CSMD2: variants seen among roughly 807,000 people sequenced by gnomAD.
The protein encoded by CSMD2 is CUB and Sushi multiple domains 2.
A neutral mutation model predicts 398.5 loss-of-function variants in CSMD2; 130 were observed. That is an observed-to-expected ratio of 0.33 (90% CI 0.28 to 0.38). CSMD2 has a LOEUF of 0.38. Among genes scored for constraint, CSMD2 ranks in the 10% least tolerant of loss-of-function variants. CSMD2 has a pLI of 1.00. For synonymous variants in CSMD2, 1,828 were observed against 1,908.5 expected (o/e 0.96, Z 1.10); for missense variants, 3,829 against 4,764.9 (o/e 0.80, Z 5.78).
intron 22 of CSMD2, 60 bp downstream of exon 22, chr1:33,709,029 G>A (rs1645898339): frequency 1.4e-6 from 2 of 1,384,004 alleles, no homozygotes; most frequent in South Asian, 2.8e-5. Flanking sequence ...ACAAAGGAGT[G>A]AGTATTGACT....
intron 34 of CSMD2, 33 bp downstream of exon 34, chr1:33,625,018 C>G: frequency 6.2e-7 from 1 of 1,606,270 alleles, no homozygotes; most frequent in Non-Finnish European, 8.5e-7. Flanking sequence ...TGCCGCCCCC[C>G]GCACCCTCAA....
chr1:33,797,070 C>A (rs1352079279), intron 10 of CSMD2, among the ~76,000 whole-genome samples: 1 of 152,206 alleles, frequency 6.6e-6, no homozygotes, highest in Non-Finnish European at 1.5e-5. Flanking sequence ...CAAGACAATA[C>A]CTGCACAGCT....
chr1:33,624,989 C>G lies in CSMD2; in HGVS notation c.5500+62G>C. On this transcript the variant is annotated intron_variant, in intron 34 of 70. Coordinates refer to ENST00000373381, the MANE Select transcript of CSMD2 (RefSeq NM_001281956.2). This position sits in a 1 kb window ranked among gnomAD's most constrained non-coding sequence, Gnocchi z 4.7. ...GCATCACTGGGGCTGACTGCCTCCC[C>G]TACAGAGAAAGGACTACGTGCCGCC... The G allele has an allele frequency of 3.3e-6, 5 of 1,534,654 alleles. No individual in the cohort carries two copies. Among genetic ancestry groups the G allele is most frequent in the Non-Finnish European group, 4.5e-6 (5 of 1,110,690 alleles).
chr1:34,065,076 G>T (rs1404414411), intron 2 of CSMD2, among the ~76,000 whole-genome samples: 1 of 152,106 alleles, frequency 6.6e-6, no homozygotes, highest in Non-Finnish European at 1.5e-5. Flanking sequence ...TGAAATTTGG[G>T]TGGAGACACA....
chr1:33,718,024 C>T (rs1646229649), intron 19 of CSMD2, among the ~76,000 whole-genome samples: 1 of 152,176 alleles, frequency 6.6e-6, no homozygotes, highest in Non-Finnish European at 1.5e-5. Flanking sequence ...TTTAATTCTG[C>T]CAGGAACCCT....
chr1:34,073,217 T>C (rs771082374), intron 2 of CSMD2, among the ~76,000 whole-genome samples: 1 of 152,360 alleles, frequency 6.6e-6, no homozygotes, highest in East Asian at 1.9e-4. Context: ...TGCCTCCGGA[T>C]GGCAAATTTG....
At chr1:33,579,766 C>T (rs1400564517) in intron 48 of CSMD2, among the ~76,000 whole-genome samples, 1 of 151,840 alleles carries the variant, frequency 6.6e-6, no homozygotes, top group Non-Finnish European at 1.5e-5. Context: ...GCAACCTCCA[C>T]CTCCCAGGTT....
chr1:33,746,739 T>C (rs1647436800), intron 13 of CSMD2, among the ~76,000 whole-genome samples: 2 of 152,202 alleles, frequency 1.3e-5, no homozygotes, highest in African/African-American at 4.8e-5. Context: ...GCCTGACACA[T>C]TGTAGGTGCT....
At chr1:34,101,256 TCA>T (rs1659913179) in intron 1 of CSMD2, among the ~76,000 whole-genome samples, 1 of 152,224 alleles carries the variant, frequency 6.6e-6, no homozygotes. Context: ...CTGCCTTCTT[TCA>T]CCCATGCTTT....
chr1:33,775,056 C>G (rs951450830), intron 12 of CSMD2, among the ~76,000 whole-genome samples: 7 of 152,176 alleles, frequency 4.6e-5, no homozygotes, highest in Non-Finnish European at 8.8e-5. Flanking sequence ...TGTGGAGGAT[C>G]AGTCTGGAAA....
In CSMD2 at chr1:33,559,727, C is replaced by T. The variant is rs905325425; in HGVS notation, c.8381-254G>A. Among the ~76,000 whole-genome samples, 6 of 152,108 alleles carry T rather than the reference C, an allele frequency of 3.9e-5. No homozygotes were observed. Among genetic ancestry groups the T allele is most frequent in the Non-Finnish European group, 5.9e-5 (4 of 68,028 alleles). Reference sequence around the variant, plus strand: ...CTTCCCATAGGGTGTTAGGACTGGACTGTGGTTCTCTGTGGTCTGAGCGGT... The same window carrying T: ...CTTCCCATAGGGTGTTAGGACTGGATTGTGGTTCTCTGTGGTCTGAGCGGT... On this transcript the variant is annotated intron_variant, in intron 53 of 70. Coordinates refer to ENST00000373381, the MANE Select transcript of CSMD2 (RefSeq NM_001281956.2). The surrounding 1 kb of genome is among the most constrained non-coding windows in gnomAD (Gnocchi z 4.0).
intron 12 of CSMD2, among the ~76,000 whole-genome samples, chr1:33,783,506 G>A (rs1040313426): frequency 5.3e-5 from 8 of 149,962 alleles, no homozygotes; most frequent in Non-Finnish European, 8.8e-5. Context: ...GAAAGCCCAT[G>A]CAAGGCCATG....
chr1:33,989,515 T>G (rs1041431405), intron 3 of CSMD2, among the ~76,000 whole-genome samples: 1 of 152,196 alleles, frequency 6.6e-6, no homozygotes, highest in Non-Finnish European at 1.5e-5. Context: ...CACAAAGACT[T>G]ATATTTCAAT....
At chr1:33,813,252 T>G (rs1482537918) in intron 9 of CSMD2, 1 of 152,144 alleles carries the variant, frequency 6.6e-6, no homozygotes, top group Admixed American at 6.5e-5. Context: ...GGGGTTTAAT[T>G]AAAATATTAC....
intron 1 of CSMD2, among the ~76,000 whole-genome samples, chr1:34,159,338 C>CCA (rs56893007): frequency 1.4e-5 from 2 of 142,816 alleles, no homozygotes; most frequent in Non-Finnish European, 3.0e-5. Context: ...GCCCCCCCCC[C>CCA]ACCCAGGAGC....
chr1:33,775,404 T>A (rs115469773), intron 12 of CSMD2, among the ~76,000 whole-genome samples: 6,545 of 152,268 alleles, frequency 0.043, 236 homozygotes, highest in African/African-American at 0.097. Flanking sequence ...TTTATCTTAA[T>A]TGCTGAGTTT....
At chr1:34,077,952 A>T (rs570696110) in intron 2 of CSMD2, among the ~76,000 whole-genome samples, 3 of 152,260 alleles carry the variant, frequency 2.0e-5, no homozygotes, top group Non-Finnish European at 2.9e-5. Flanking sequence ...ATAATTTTTT[A>T]AAATGTAGTG....
chr1:33,785,519 T>C (rs1200903043), intron 12 of CSMD2, among the ~76,000 whole-genome samples: 1 of 152,232 alleles, frequency 6.6e-6, no homozygotes, highest in Non-Finnish European at 1.5e-5. Context: ...TCTTCATCCA[T>C]AAAATAGCAG....
chr1:33,729,761 T>C (rs561213506), intron 15 of CSMD2, among the ~76,000 whole-genome samples: 2 of 152,062 alleles, frequency 1.3e-5, no homozygotes, highest in Non-Finnish European at 2.9e-5. Context: ...AAAAGCACAG[T>C]GAAATATTGT....
Sources: gnomAD v4.1 joint callset for allele counts (sites outside exome capture counted in the v4.1 genomes callset) on GRCh38, gnomAD v4.1.1 for gene constraint, Gnocchi (gnomAD v3.1) non-coding constraint, MANE v1.5 for transcripts, NCBI Gene and HGNC (gene_info 2026-07-23, HGNC 2026-07-21) for gene names.